The following SNRPE variants were observed in gnomAD, a reference collection of about 807,000 sequenced individuals.
The protein encoded by SNRPE is small nuclear ribonucleoprotein polypeptide E.
For synonymous variants in SNRPE, 35 were observed against 36.7 expected (o/e 0.95, Z 0.17); for missense variants, 53 against 111.6 (o/e 0.48, Z 2.36).
chr1:203,861,669 C>T lies in SNRPE; in HGVS notation c.10C>T (p.Arg4Cys). 2 of 1,612,826 alleles carry T rather than the reference C, an allele frequency of 1.2e-6. No homozygotes were observed. Among genetic ancestry groups the T allele is most frequent in the South Asian group, 1.1e-5 (1 of 91,052 alleles). ...TTTGTGAAATTCCACCATGGCGTAC[C>T]GTGGCCAGGGTCAGAAAGTGCAGAA... MAY[R>C]GQGQKVQKVM... Residue 4 changes from arginine to cysteine, a missense_variant, in exon 1 of 5, where the codon CGT (arginine) becomes TGT (cysteine). Transcript: ENST00000414487.
chr1:203,864,931 G>T, intron 3 of SNRPE, 110 bp from the exon 4 acceptor site: 1 of 957,138 alleles, frequency 1.0e-6, no homozygotes, highest in South Asian at 2.3e-5. Context: ...TGGGGCTTGA[G>T]AAGAGTGAAT....
chr1:203,861,884 G>A lies in SNRPE; in HGVS notation c.54+171G>A. 6 of 665,784 alleles carry A rather than the reference G, an allele frequency of 9.0e-6. No individual in the cohort carries two copies. The South Asian group carries it at 1.0e-4, about 11-fold the overall frequency. 41.2% of individuals were successfully genotyped at this position (665,784 alleles called of 1,614,324 possible). On this transcript the variant is annotated intron_variant, in intron 1 of 4. Transcript: ENST00000414487. ...GTAGTTGAACCGTGATGGTGGGGAG[G>A]TGGTCTTGGGGGGACCCCTGCCGTG...
intron 2 of SNRPE, among the ~76,000 whole-genome samples, chr1:203,863,411 G>A (rs535942304): frequency 1.3e-5 from 2 of 152,192 alleles, no homozygotes; most frequent in Admixed American, 6.5e-5. Flanking sequence ...TCTGCCTCCC[G>A]GGTTCAAGCG....
Position 203,870,435 on chromosome 1 carries a change from G to C in SNRPE, c.*503G>C, listed in dbSNP as rs1690191970. 6.6e-6 allele frequency: 1 copy of C among 152,256 alleles called. No individual in the cohort carries two copies. The highest frequency in any genetic ancestry group is 2.4e-5 in the African/African-American group (1 of 41,446). 9.4% of individuals were successfully genotyped at this position (152,256 alleles called of 1,614,324 possible). ...CTCAACACTCTCATTGAGTCACTGT[G>C]AGGTCTTTGTGAATTTTATCGCTAA... On this transcript the variant is annotated 3_prime_UTR_variant, in exon 5 of 5. Transcript: ENST00000414487.
chr1:203,867,093 AC>A (rs1690102810), intron 4 of SNRPE, among the ~76,000 whole-genome samples: 1 of 135,758 alleles, frequency 7.4e-6, no homozygotes, highest in South Asian at 2.5e-4. Flanking sequence ...ACATGGTGAA[AC>A]CCTGTCTTTC....
At chr1:203,861,829 C>T (rs113694889) in intron 1 of SNRPE, 116 bp downstream of exon 1, 2 of 825,624 alleles carry the variant, frequency 2.4e-6, no homozygotes, top group Admixed American at 1.9e-5. Context: ...CATGAGCCCC[C>T]GGGGCTACCA....
chr1:203,866,856 C>T (rs1690097795), intron 4 of SNRPE, among the ~76,000 whole-genome samples: 1 of 151,904 alleles, frequency 6.6e-6, no homozygotes, highest in African/African-American at 2.4e-5. Context: ...ACTTTCTGAG[C>T]TTTAGCAACA....
chr1:203,868,747 G>A (rs1372252895), intron 4 of SNRPE, among the ~76,000 whole-genome samples: 1 of 152,106 alleles, frequency 6.6e-6, no homozygotes, highest in Admixed American at 6.6e-5. Flanking sequence ...TCAGCTCACT[G>A]CAACCTCCAC....
chr1:203,869,311 TTTTTTTTTTTTTG>T (rs1313570703), intron 4 of SNRPE, among the ~76,000 whole-genome samples: 3 of 60,324 alleles, frequency 5.0e-5, no homozygotes, highest in African/African-American at 2.0e-4. Flanking sequence ...TTTTTTTTTT[TTTTTTTTTTTTTG>T]GAGATGAATT....
Position 203,861,678 on chromosome 1 carries a change from G to C in SNRPE, c.19G>C (p.Gly7Arg). MAYRGQ[G>R]QKVQKVMVQP... is the part of the protein sequence containing the mutation. ...TTCCACCATGGCGTACCGTGGCCAG[G>C]GTCAGAAAGTGCAGAAGGTTATGGT... Residue 7 changes from glycine to arginine, a missense_variant, in exon 1 of 5, where the codon GGT becomes CGT. Transcript: ENST00000414487. 1 of 1,613,558 alleles carries C rather than the reference G, an allele frequency of 6.2e-7. No individual in the cohort carries two copies. Among genetic ancestry groups the C allele is most frequent in the Non-Finnish European group, 8.5e-7 (1 of 1,179,474 alleles).
chr1:203,865,231 T>A, intron 4 of SNRPE, 112 bp downstream of exon 4: 2 of 964,316 alleles, frequency 2.1e-6, no homozygotes, highest in Non-Finnish European at 3.1e-6. Context: ...GAGAAGTTAT[T>A]ATTCAGAGTA....
chr1:203,863,322 T>G (rs1347606501), intron 2 of SNRPE, among the ~76,000 whole-genome samples: 2 of 151,834 alleles, frequency 1.3e-5, no homozygotes, highest in Non-Finnish European at 2.9e-5. Context: ...CTGGCCTGTT[T>G]TTCTTTTCTT....
At chr1:203,865,820 G>A (rs1441644569) in intron 4 of SNRPE, among the ~76,000 whole-genome samples, 1 of 152,142 alleles carries the variant, frequency 6.6e-6, no homozygotes, top group Non-Finnish European at 1.5e-5. Context: ...CAGAACTCGG[G>A]GAAACACTTG....
intron 3 of SNRPE, among the ~76,000 whole-genome samples, chr1:203,864,160 C>G (rs572951432): frequency 5.9e-5 from 9 of 152,170 alleles, no homozygotes; most frequent in Non-Finnish European, 1.0e-4. Context: ...CACTGTGTTG[C>G]CCAGGCTGGT....
At chr1:203,864,800 C>T (rs748065190) in intron 3 of SNRPE, among the ~76,000 whole-genome samples, 1 of 149,376 alleles carries the variant, frequency 6.7e-6, no homozygotes, top group African/African-American at 2.5e-5. Context: ...ATTGCTTGAA[C>T]CCAGGAGGTC....
intron 3 of SNRPE, 100 bp from the exon 4 acceptor site, chr1:203,864,941 T>G: frequency 9.1e-7 from 1 of 1,094,582 alleles, no homozygotes. Flanking sequence ...GAAGAGTGAA[T>G]CTTTGAAGTT....
In SNRPE at chr1:203,869,289, C is replaced by CTTTTTTTT. The variant is rs564988259; in HGVS notation, c.224-561_224-554dup. The stretch of plus-strand genomic sequence containing the variant: ...AGGTTTGTTTATTGTAGGATGGAGT[C>CTTTTTTTT]TTTTTTTTTTTTTTTTTTTTTTTTT... On this transcript the variant is annotated intron_variant, in intron 4 of 4. Transcript: ENST00000414487. Among the ~76,000 whole-genome samples the CTTTTTTTT allele has an allele frequency of 3.4e-3, 224 of 66,804 alleles. 8 individuals are homozygous for CTTTTTTTT. The highest frequency in any genetic ancestry group is 3.7e-3 in the Non-Finnish European group (140 of 37,900). The allele number at this position is 66,804 out of a possible 152,430, so 43.8% of individuals were successfully genotyped here. A position where few individuals can be genotyped will look rare whatever the true frequency, so the allele number is the denominator to read the frequency against.
chr1:203,862,313 A>G, intron 2 of SNRPE, 91 bp downstream of exon 2: 6 of 909,120 alleles, frequency 6.6e-6, no homozygotes, highest in Non-Finnish European at 1.1e-5. Context: ...GCTGTGTTCT[A>G]GAATTTAAAA....
rs368312879 is a variant in SNRPE at position 203,861,723 on chromosome 1, G to T, written c.54+10G>T. 1.2e-6 allele frequency: 2 copies of T among 1,603,184 alleles called. No individual in the cohort carries two copies. The highest frequency in any genetic ancestry group is 1.3e-5 in the African/African-American group (1 of 74,840). On this transcript the variant is annotated intron_variant, in intron 1 of 4. Coordinates refer to ENST00000414487, the MANE Select transcript of SNRPE (RefSeq NM_003094.4). ...TATGGTGCAGCCCATCGTATCCTAC[G>T]CAGGATGTCAGGACTAGGAGGTTCG...
Sources: allele counts gnomAD v4.1 joint callset (sites outside exome capture counted in the v4.1 genomes callset), GRCh38; gene constraint gnomAD v4.1.1; transcripts MANE v1.5; gene names NCBI Gene and HGNC (gene_info 2026-07-23, HGNC 2026-07-21).